PELI2: variants seen among roughly 807,000 people sequenced by gnomAD.
PELI2 encodes the protein E3 ubiquitin-protein ligase pellino homolog 2.
A neutral mutation model predicts 42.3 loss-of-function variants in PELI2; 23 were observed. The observed-to-expected ratio is 0.54, with a 90% CI of 0.39 to 0.77. PELI2 has a LOEUF of 0.77. Among genes scored for constraint, PELI2 ranks in the 30% least tolerant of loss-of-function variants. The pLI, the probability that PELI2 is intolerant of heterozygous loss-of-function variation, is 0.00. For synonymous variants in PELI2, 245 were observed against 212.2 expected (o/e 1.15, Z -1.34); for missense variants, 463 against 553.2 (o/e 0.84, Z 1.64).
At chr14:56,123,061 G>A (rs1395185849) in intron 1 of PELI2, among the ~76,000 whole-genome samples, 1 of 152,144 alleles carries the variant, frequency 6.6e-6, no homozygotes, top group African/African-American at 2.4e-5. Flanking sequence ...AAGTATTTTA[G>A]TAGAAATTGA....
At chr14:56,161,975 T>C (rs1274236863) in intron 1 of PELI2, among the ~76,000 whole-genome samples, 1 of 152,166 alleles carries the variant, frequency 6.6e-6, no homozygotes, top group Non-Finnish European at 1.5e-5. Flanking sequence ...TTCTTTTTTT[T>C]CCTTTTTAAA....
Position 56,118,750 on chromosome 14 carries a change from G to T in PELI2, c.77+13G>T. The T allele has an allele frequency of 1.4e-6, 2 of 1,480,548 alleles. No homozygotes were observed. Among genetic ancestry groups the T allele is most frequent in the Non-Finnish European group, 9.0e-7 (1 of 1,106,750 alleles). 91.7% of individuals were successfully genotyped at this position (1,480,548 alleles called of 1,614,324 possible). On this transcript the variant is annotated intron_variant, in intron 1 of 5. Coordinates refer to ENST00000267460, the MANE Select transcript of PELI2 (RefSeq NM_021255.3). ...TGGTGGTGCTCGGGTGAGTCCTGGG[G>T]TCCCTGGTCCCGGGCAGCGGCGCGG... is the stretch of plus-strand genomic sequence containing the variant.
intron 1 of PELI2, among the ~76,000 whole-genome samples, chr14:56,143,980 GCTAGGAAAAACATGCATGTATA>G (rs1438326270): frequency 6.6e-6 from 1 of 151,974 alleles, no homozygotes. Context: ...TTGGTGGAGA[GCTAGGAAAAACATGCATGTATA>G]CTAGCATATG....
chr14:56,236,863 T>G (rs567236806), intron 2 of PELI2, among the ~76,000 whole-genome samples: 2 of 152,314 alleles, frequency 1.3e-5, no homozygotes, highest in African/African-American at 4.8e-5. Flanking sequence ...GATCTCTCCC[T>G]GTTCTATTTG....
At chr14:56,159,601 CTTCTT>C (rs1474418168) in intron 1 of PELI2, among the ~76,000 whole-genome samples, 6 of 151,844 alleles carry the variant, frequency 4.0e-5, no homozygotes, top group African/African-American at 1.2e-4. Flanking sequence ...GATATTTTCT[CTTCTT>C]TTGGGAATCA....
intron 2 of PELI2, among the ~76,000 whole-genome samples, chr14:56,236,207 T>G (rs1887788301): frequency 6.6e-6 from 1 of 152,224 alleles, no homozygotes; most frequent in South Asian, 2.1e-4. Flanking sequence ...TAAACATACT[T>G]GGAGTTGATT....
chr14:56,287,397 C>G (rs1214232749), intron 3 of PELI2, among the ~76,000 whole-genome samples: 1 of 152,272 alleles, frequency 6.6e-6, no homozygotes. Flanking sequence ...CAGTCTGAAT[C>G]AGTAGAGTTT....
At chr14:56,118,936 A>ACGC (rs1882955111) in intron 1 of PELI2, among the ~76,000 whole-genome samples, 199 bp downstream of exon 1, 1 of 150,008 alleles carries the variant, frequency 6.7e-6, no homozygotes, top group South Asian at 2.1e-4. Context: ...GCTGCGGCGG[A>ACGC]CGCCGGGCTG....
chr14:56,280,854 T>G (rs1889460111), intron 3 of PELI2, among the ~76,000 whole-genome samples: 1 of 152,132 alleles, frequency 6.6e-6, no homozygotes, highest in African/African-American at 2.4e-5. Context: ...TGATACCTAC[T>G]GTACAGTAAT....
intron 2 of PELI2, among the ~76,000 whole-genome samples, chr14:56,188,727 T>G (rs1885857250): frequency 6.6e-6 from 1 of 152,220 alleles, no homozygotes; most frequent in African/African-American, 2.4e-5. Context: ...ATTATATATT[T>G]TTTAAATTAT....
chr14:56,291,003 A>C (rs559519601), intron 5 of PELI2, among the ~76,000 whole-genome samples: 1 of 152,338 alleles, frequency 6.6e-6, no homozygotes, highest in East Asian at 1.9e-4. Context: ...TGGCATGTTA[A>C]TATTTTCCTA....
chr14:56,271,218 G>A (rs772964001), intron 2 of PELI2, among the ~76,000 whole-genome samples: 5 of 152,120 alleles, frequency 3.3e-5, no homozygotes, highest in African/African-American at 1.2e-4. Flanking sequence ...CCAGGCTGCC[G>A]CACGCTCGCT....
At chr14:56,216,056 T>C (rs1445880951) in intron 2 of PELI2, among the ~76,000 whole-genome samples, 1 of 152,246 alleles carries the variant, frequency 6.6e-6, no homozygotes, top group Non-Finnish European at 1.5e-5. Context: ...ATGTCATCTC[T>C]AAGCTTTCAA....
chr14:56,119,554 A>G (rs1445173554), intron 1 of PELI2, among the ~76,000 whole-genome samples: 2 of 152,224 alleles, frequency 1.3e-5, no homozygotes, highest in Admixed American at 1.3e-4. Flanking sequence ...TCTTGAAGAT[A>G]GTAATTATGT....
intron 2 of PELI2, among the ~76,000 whole-genome samples, chr14:56,251,622 G>C (rs183035737): frequency 6.6e-6 from 1 of 152,154 alleles, no homozygotes; most frequent in South Asian, 2.1e-4. Context: ...GCCCCTGTTT[G>C]ATTCCACACC....
rs1890136874 is a variant in PELI2 at position 56,300,339 on chromosome 14, G to C, written c.*3173G>C. The stretch of plus-strand genomic sequence containing the variant: ...GTCAGAAACTGGCATAAACATGATT[G>C]TAGTAGAATTTATTTTCCAGTACCA... On this transcript the variant is annotated 3_prime_UTR_variant, in exon 6 of 6. Coordinates refer to ENST00000267460, the MANE Select transcript of PELI2 (RefSeq NM_021255.3). The C allele has an allele frequency of 6.6e-6, 1 of 152,506 alleles. No homozygotes were observed. The highest frequency in any genetic ancestry group is 6.5e-5 in the Admixed American group (1 of 15,280). The allele number at this position is 152,506 out of a possible 1,614,324, so 9.4% of individuals were successfully genotyped here. A position where few individuals can be genotyped will look rare whatever the true frequency, so the allele number is the denominator to read the frequency against.
intron 1 of PELI2, among the ~76,000 whole-genome samples, chr14:56,145,653 T>C (rs115679280): frequency 2.5e-4 from 38 of 152,328 alleles, no homozygotes; most frequent in African/African-American, 9.1e-4. Flanking sequence ...TTCACATTTT[T>C]TTCATTTGGA....
chr14:56,259,507 T>G (rs1888641769), intron 2 of PELI2, among the ~76,000 whole-genome samples: 1 of 152,132 alleles, frequency 6.6e-6, no homozygotes, highest in Non-Finnish European at 1.5e-5. Flanking sequence ...CGTTCAAAAG[T>G]TAGTCAGTGT....
At chr14:56,289,213 T>C (rs10143194) in intron 4 of PELI2, among the ~76,000 whole-genome samples, 4 of 152,104 alleles carry the variant, frequency 2.6e-5, no homozygotes, top group African/African-American at 9.7e-5. Flanking sequence ...TCAGTGAAAA[T>C]GTACTATTCC....
Sources: allele counts gnomAD v4.1 joint callset (sites outside exome capture counted in the v4.1 genomes callset), GRCh38; gene constraint gnomAD v4.1.1; transcripts MANE v1.5; gene names NCBI Gene and HGNC (gene_info 2026-07-23, HGNC 2026-07-21).